Variants in MAML2 observed in about 807,000 individuals in gnomAD.
The protein encoded by MAML2 is mastermind like transcriptional coactivator 2.
A neutral mutation model predicts 96.1 loss-of-function variants in MAML2; 22 were observed. The ratio of observed to expected loss-of-function variants is 0.23; its 90% CI spans 0.16 to 0.33. MAML2 has a LOEUF of 0.33. Among genes scored for constraint, MAML2 ranks in the 10% least tolerant of loss-of-function variants. The pLI is 1.00. For missense variants in MAML2, 1,367 were observed against 1,392.4 expected (o/e 0.98, Z 0.29); for synonymous variants, 561 against 521.3 (o/e 1.08, Z -1.04).
At chr11:96,228,673 C>T (rs749170132) in intron 1 of MAML2, among the ~76,000 whole-genome samples, 25 of 152,174 alleles carry the variant, frequency 1.6e-4, no homozygotes, top group Non-Finnish European at 2.9e-4. Flanking sequence ...CTTGCTCAGT[C>T]GGCCAGACCA....
At chr11:96,283,481 TC>T (rs1863098435) in intron 1 of MAML2, among the ~76,000 whole-genome samples, 1 of 152,234 alleles carries the variant, frequency 6.6e-6, no homozygotes, top group South Asian at 2.1e-4. Context: ...TGTGCTACAA[TC>T]TTTTTCTCCA....
chr11:95,998,477 A>T (rs975845612), intron 2 of MAML2, among the ~76,000 whole-genome samples: 2 of 152,148 alleles, frequency 1.3e-5, no homozygotes, highest in Non-Finnish European at 2.9e-5. Context: ...TGGGCATTTC[A>T]TCAGGTGCTA....
rs540320183 is a variant in MAML2, at chr11:96,228,790, C to T, written c.513+112593G>A. Among the ~76,000 whole-genome samples, 17 of 152,234 alleles carry T rather than the reference C, an allele frequency of 1.1e-4. No homozygotes were observed. In the East Asian group the frequency reaches 1.7e-3, roughly 16 times the overall value. ...AATTCCATTGTGGTGATGCTGCCTC[C>T]GGCTGGCAGATGGCCATGGTTTCTA... On this transcript the variant is annotated intron_variant, in intron 1 of 4. Coordinates refer to ENST00000524717, the MANE Select transcript of MAML2 (RefSeq NM_032427.4).
intron 1 of MAML2, among the ~76,000 whole-genome samples, chr11:96,127,909 T>A (rs1307796066): frequency 6.6e-6 from 1 of 152,216 alleles, no homozygotes; most frequent in Non-Finnish European, 1.5e-5. Flanking sequence ...GCTTTAGAAG[T>A]GGCATGTTCA....
rs1426883166 is a variant in MAML2 at position 95,979,296 on chromosome 11, CATGGTTTGCCCATTT to C, written c.3108_3122del (p.Asn1037_Met1041del). ...TGAGATTCAGACCCCTGAGGGGACCCATGGTTTGCCCATTTAGTGTTTGGCTCATTTGGTTCATGG... is the reference window on the plus strand; with the variant it reads ...TGAGATTCAGACCCCTGAGGGGACCCAGTGTTTGGCTCATTTGGTTCATGG... On this transcript the variant is annotated inframe_deletion, in exon 5 of 5. Coordinates refer to ENST00000524717, the MANE Select transcript of MAML2 (RefSeq NM_032427.4). 5 of 1,613,824 alleles carry C rather than the reference CATGGTTTGCCCATTT, an allele frequency of 3.1e-6. No individual in the cohort carries two copies. Among genetic ancestry groups the C allele is most frequent in the Non-Finnish European group, 4.2e-6 (5 of 1,179,880 alleles).
chr11:96,062,146 G>A (rs1859171457), intron 2 of MAML2, among the ~76,000 whole-genome samples: 1 of 152,014 alleles, frequency 6.6e-6, no homozygotes, highest in African/African-American at 2.4e-5. Context: ...GGGAAGGTTG[G>A]AGTATGGTAC....
At chr11:96,314,890 G>A (rs1863607673) in intron 1 of MAML2, among the ~76,000 whole-genome samples, 1 of 152,208 alleles carries the variant, frequency 6.6e-6, no homozygotes, top group Non-Finnish European at 1.5e-5. Flanking sequence ...GACAGACAAA[G>A]TCAGCATTCT....
In MAML2 at chr11:96,101,988, T is replaced by C. The variant is rs1198650697; in HGVS notation, c.514-8471A>G. On this transcript the variant is annotated intron_variant, in intron 1 of 4. Coordinates refer to ENST00000524717, the MANE Select transcript of MAML2 (RefSeq NM_032427.4). Reference sequence around the variant, plus strand: ...GCTCAGAACATTGCTCTTAAAATACTGTTTTCAGCCAGGCATGGTGGCTCA... The same window carrying C: ...GCTCAGAACATTGCTCTTAAAATACCGTTTTCAGCCAGGCATGGTGGCTCA... 3.3e-5 allele frequency among the ~76,000 whole-genome samples: 5 copies of C among 152,162 alleles called. 1 individual carries two copies. Among genetic ancestry groups the C allele is most frequent in the South Asian group, 4.1e-4 (2 of 4,828 alleles).
intron 1 of MAML2, among the ~76,000 whole-genome samples, chr11:96,226,010 A>G (rs1265666556): frequency 6.6e-6 from 1 of 152,180 alleles, no homozygotes; most frequent in Non-Finnish European, 1.5e-5. Context: ...CATTCATTCA[A>G]TTAATTACAT....
intron 1 of MAML2, among the ~76,000 whole-genome samples, chr11:96,230,491 G>T (rs577487484): frequency 6.6e-6 from 1 of 152,178 alleles, no homozygotes; most frequent in African/African-American, 2.4e-5. Context: ...GAACAAGGTT[G>T]TAACTTAACT....
At chr11:96,113,654 A>G (rs574100255) in intron 1 of MAML2, among the ~76,000 whole-genome samples, 34 of 151,372 alleles carry the variant, frequency 2.2e-4, no homozygotes, top group Non-Finnish European at 4.4e-4. Flanking sequence ...GTGTTTTTCT[A>G]TGGGTTTGCA....
Position 95,978,963 on chromosome 11 carries a change from C to G in MAML2, c.3456G>C (p.Leu1152Phe), listed in dbSNP as rs1857689143. ...WMKDINLDEI[L>F]GNNS ...CCTTTCTTCTTTAGGAATTGTTCCC[C>G]AAGATTTCATCAAGATTGATGTCTT... Residue 1152 changes from leucine (L) to phenylalanine (F), a missense_variant, in exon 5 of 5, where the codon TTG (leucine) becomes TTC (phenylalanine). Transcript: ENST00000524717. 1 of 1,607,476 alleles carries G rather than the reference C, an allele frequency of 6.2e-7. No homozygotes were observed. The highest frequency in any genetic ancestry group is 1.1e-5 in the South Asian group (1 of 89,880).
At chr11:96,125,983 C>T (rs1455329063) in intron 1 of MAML2, among the ~76,000 whole-genome samples, 1 of 152,154 alleles carries the variant, frequency 6.6e-6, no homozygotes, top group Non-Finnish European at 1.5e-5. Context: ...CCTACAGAAA[C>T]CCCAAATTCA....
intron 1 of MAML2, among the ~76,000 whole-genome samples, chr11:96,163,862 CTTTTT>C (rs67666403): frequency 5.7e-5 from 7 of 122,306 alleles, no homozygotes; most frequent in Non-Finnish European, 1.7e-5. Context: ...TTCTCTCTTT[CTTTTT>C]TTTTTTTTTT....
At chr11:96,026,423 C>T (rs923059101) in intron 2 of MAML2, among the ~76,000 whole-genome samples, 1 of 152,200 alleles carries the variant, frequency 6.6e-6, no homozygotes, top group Non-Finnish European at 1.5e-5. Context: ...CTTTGGCCAT[C>T]ATTTTAAGTC....
intron 2 of MAML2, among the ~76,000 whole-genome samples, chr11:96,045,312 C>A (rs6483472): frequency 2.0e-5 from 3 of 151,772 alleles, no homozygotes; most frequent in African/African-American, 7.3e-5. Flanking sequence ...CTGCATATTA[C>A]GGAATCAGAA....
At chr11:96,023,671 A>G (rs1858471466) in intron 2 of MAML2, among the ~76,000 whole-genome samples, 1 of 152,194 alleles carries the variant, frequency 6.6e-6, no homozygotes, top group South Asian at 2.1e-4. Flanking sequence ...GAGGCCCTGG[A>G]AACATGAGGG....
intron 2 of MAML2, among the ~76,000 whole-genome samples, chr11:96,062,656 A>G (rs4753187): frequency 0.015 from 2,224 of 152,282 alleles, 55 homozygotes; most frequent in East Asian, 0.098. Flanking sequence ...CTTAGACAGG[A>G]TATCCAGGAG....
chr11:96,191,786 A>AC (rs397970306), intron 1 of MAML2, among the ~76,000 whole-genome samples: 1 of 151,112 alleles, frequency 6.6e-6, no homozygotes, highest in African/African-American at 2.4e-5. Context: ...AAAAAAAAAA[A>AC]CCACAAAAGA....
Sources: allele counts gnomAD v4.1 joint callset (sites outside exome capture counted in the v4.1 genomes callset), GRCh38; gene constraint gnomAD v4.1.1; transcripts MANE v1.5; gene names NCBI Gene and HGNC (gene_info 2026-07-23, HGNC 2026-07-21).